The following SYT14 variants were observed in gnomAD, a reference collection of about 807,000 sequenced individuals.
SYT14 encodes the protein synaptotagmin-14.
A neutral mutation model predicts 74.2 loss-of-function variants in SYT14; 32 were observed. The ratio of observed to expected loss-of-function variants is 0.43; its 90% CI spans 0.33 to 0.58. SYT14 has a LOEUF of 0.58. SYT14 is among the 20% of genes least tolerant of loss of function. The pLI is 0.05. For synonymous variants in SYT14, 298 were observed against 337.7 expected, an observed-to-expected ratio of 0.88 and a Z score of 1.29; for missense variants, 791 against 981.8, an observed-to-expected ratio of 0.81 and a Z score of 2.60.
intron 7 of SYT14, among the ~76,000 whole-genome samples, chr1:210,114,029 G>C (rs1416327223): frequency 2.0e-5 from 3 of 151,404 alleles, no homozygotes; most frequent in Non-Finnish European, 2.9e-5. Context: ...GAAAGAGTCT[G>C]TGTTGGTCCA....
At chr1:209,973,092 A>G (rs1224188057) in intron 2 of SYT14, among the ~76,000 whole-genome samples, 1 of 152,056 alleles carries the variant, frequency 6.6e-6, no homozygotes, top group Non-Finnish European at 1.5e-5. Flanking sequence ...ATCATTATGT[A>G]ATGCATTTCT....
intron 2 of SYT14, among the ~76,000 whole-genome samples, chr1:210,011,152 C>CTA (rs1052478352): frequency 9.9e-5 from 15 of 152,052 alleles, no homozygotes; most frequent in Admixed American, 7.9e-4. Flanking sequence ...AGGGGAACTC[C>CTA]TATATATATT....
At chr1:209,986,580 T>G (rs1406847607) in intron 2 of SYT14, among the ~76,000 whole-genome samples, 1 of 151,510 alleles carries the variant, frequency 6.6e-6, no homozygotes, top group Non-Finnish European at 1.5e-5. Flanking sequence ...GCCATTGCAC[T>G]CCAGCCTGGG....
rs1389843990 is a variant in SYT14 at position 210,092,736 on chromosome 1, C to T, written c.1313-1586C>T. 5.3e-5 allele frequency among the ~76,000 whole-genome samples: 8 copies of T among 152,266 alleles called. No homozygotes were observed. The East Asian group carries it at 1.5e-3, about 29-fold the overall frequency. ...CGTTATAAACTAAAGTTAGTACAGC[C>T]GGCCCTCCATGTCTGTAGGTTCTGC... On this transcript the variant is annotated intron_variant, in intron 5 of 9. Transcript: ENST00000637265.
At chr1:210,169,221 G>GTTTTTTTTTTTTTTTTTTTTTTTTTT (rs35974726) in exon 10 of SYT14, 2 of 50,246 alleles carry the variant, frequency 4.0e-5, no homozygotes, top group Non-Finnish European at 7.6e-5. Flanking sequence ...TGTTTTTGGT[G>GTTTTTTTTTTTTTTTTTTTTTTTTTT]TTTTTTTTTT....
At position 209,973,662 on chromosome 1, in the gene SYT14, T is replaced by A. The variant is rs1391001748; in HGVS notation, c.-486+20906T>A. Among the ~76,000 whole-genome samples the A allele has an allele frequency of 7.2e-5, 11 of 152,276 alleles. No homozygotes were observed. In the South Asian group the frequency reaches 1.7e-3, roughly 23 times the overall value. On this transcript the variant is annotated intron_variant, in intron 2 of 9. Coordinates refer to ENST00000637265, the Ensembl canonical transcript of SYT14. ...TCTTTGCTATTGTGAATAGTGCCGC[T>A]ATAAACATACGTGTGCATGTGTCTT... is the stretch of plus-strand genomic sequence containing the variant.
chr1:209,978,084 G>A (rs376258598), intron 2 of SYT14, among the ~76,000 whole-genome samples: 1 of 151,998 alleles, frequency 6.6e-6, no homozygotes, highest in Non-Finnish European at 1.5e-5. Context: ...CTTTGCATGG[G>A]TTATTCTAGT....
exon 6 of SYT14, chr1:210,094,450 T>C (rs1436264450): frequency 6.2e-7 from 1 of 1,613,934 alleles, no homozygotes; most frequent in Non-Finnish European, 8.5e-7. Flanking sequence ...TAAATGTGAA[T>C]TTTCCCACTG....
intron 5 of SYT14, among the ~76,000 whole-genome samples, chr1:210,052,665 C>CA (rs561069342): frequency 0.017 from 724 of 42,120 alleles, 23 homozygotes; most frequent in Middle Eastern, 0.042. Flanking sequence ...TACATCTCAC[C>CA]AAAAAAAAAA....
At chr1:210,160,945 T>C in exon 10 of SYT14, 2 of 1,614,024 alleles carry the variant, frequency 1.2e-6, no homozygotes, top group Non-Finnish European at 1.7e-6. Context: ...TCTTTAGGTC[T>C]CAACAGCTCT....
chr1:209,990,541 ATATATATG>A (rs202180457), intron 2 of SYT14, among the ~76,000 whole-genome samples: 357 of 9,118 alleles, frequency 0.039, 24 homozygotes, highest in Middle Eastern at 0.14. Context: ...ATATATACGT[ATATATATG>A]TATATATATA....
intron 2 of SYT14, among the ~76,000 whole-genome samples, chr1:210,004,531 C>T (rs1377657147): frequency 6.6e-6 from 1 of 151,936 alleles, no homozygotes; most frequent in Non-Finnish European, 1.5e-5. Context: ...TATCTTTTCT[C>T]TTTTTGATTG....
At chr1:209,985,498 A>T (rs769284812) in intron 2 of SYT14, among the ~76,000 whole-genome samples, 1 of 152,138 alleles carries the variant, frequency 6.6e-6, no homozygotes. Context: ...TTCTTCCAGG[A>T]TGGAGTTGAG....
chr1:209,961,628 TG>T (rs1224544774), intron 2 of SYT14, among the ~76,000 whole-genome samples: 7 of 152,152 alleles, frequency 4.6e-5, no homozygotes, highest in Non-Finnish European at 1.0e-4. Context: ...TGAAACCCTT[TG>T]TAGTCAGTAA....
Position 210,052,221 on chromosome 1 carries a change from T to G in SYT14, c.1312+30967T>G, listed in dbSNP as rs933767940. ...CATGACAAAGTGTTTGGAGCAAATT[T>G]TAGGGTTTTTTTTTTCTGATACAGA... On this transcript the variant is annotated intron_variant, in intron 5 of 9. Transcript: ENST00000637265. 2.6e-5 allele frequency among the ~76,000 whole-genome samples: 4 copies of G among 152,148 alleles called. No individual in the cohort carries two copies. In the South Asian group the frequency reaches 8.3e-4, roughly 32 times the overall value.
intron 7 of SYT14, among the ~76,000 whole-genome samples, chr1:210,154,928 A>G (rs1033434280): frequency 1.3e-5 from 2 of 152,206 alleles, no homozygotes; most frequent in African/African-American, 4.8e-5. Flanking sequence ...CAAGTCTTCT[A>G]CATCCTTATG....
At chr1:210,018,136 T>G (rs2080224651) in intron 4 of SYT14, among the ~76,000 whole-genome samples, 1 of 152,040 alleles carries the variant, frequency 6.6e-6, no homozygotes, top group African/African-American at 2.4e-5. Flanking sequence ...TTCTAGCAGT[T>G]TTTTGTTTTT....
At chr1:209,977,597 C>G in intron 2 of SYT14, among the ~76,000 whole-genome samples, 1 of 152,186 alleles carries the variant, frequency 6.6e-6, no homozygotes, top group Non-Finnish European at 1.5e-5. Context: ...ATGGGCTTCC[C>G]TTTGTGGGTA....
intron 5 of SYT14, among the ~76,000 whole-genome samples, chr1:210,047,701 A>T (rs2080912227): frequency 1.3e-5 from 2 of 152,192 alleles, no homozygotes; most frequent in South Asian, 4.1e-4. Flanking sequence ...CTGGCCTTGC[A>T]GAATTTAATG....
Sources: allele counts gnomAD v4.1 joint callset (sites outside exome capture counted in the v4.1 genomes callset), GRCh38; gene constraint gnomAD v4.1.1; transcripts MANE v1.5; gene names NCBI Gene and HGNC (gene_info 2026-07-23, HGNC 2026-07-21).